Variants in ADCY2 observed in about 807,000 individuals in gnomAD.
ADCY2 encodes adenylate cyclase type 2.
ADCY2 carries 31 observed loss-of-function variants against 125.2 expected under a neutral mutation model. The observed-to-expected ratio is 0.25, with a 90% CI of 0.19 to 0.33. The LOEUF is 0.33. ADCY2 is among the 10% of genes least tolerant of loss of function. ADCY2 has a pLI of 1.00. For missense variants in ADCY2, 904 were observed against 1,418.2 expected (o/e 0.64, Z 5.82); for synonymous variants, 512 against 548.4 (o/e 0.93, Z 0.93).
chr5:7,789,509 G>C, intron 19 of ADCY2, 133 bp from the exon 20 acceptor site: 1 of 809,772 alleles, frequency 1.2e-6, no homozygotes, highest in South Asian at 1.8e-5. Flanking sequence ...GGCTTTATGG[G>C]GAGGGTGGAA....
chr5:7,499,679 A>ATG (rs1561059127), intron 2 of ADCY2, among the ~76,000 whole-genome samples: 5 of 135,022 alleles, frequency 3.7e-5, no homozygotes, highest in South Asian at 2.3e-4. Flanking sequence ...ATATATATAT[A>ATG]TATGTATATA....
chr5:7,766,393 G>A (rs1743380164), intron 16 of ADCY2, among the ~76,000 whole-genome samples: 1 of 152,166 alleles, frequency 6.6e-6, no homozygotes, highest in Non-Finnish European at 1.5e-5. Flanking sequence ...GGTGATATCG[G>A]TTTCAAATGT....
At chr5:7,728,191 T>C (rs1209055040) in intron 14 of ADCY2, among the ~76,000 whole-genome samples, 1 of 152,156 alleles carries the variant, frequency 6.6e-6, no homozygotes, top group Non-Finnish European at 1.5e-5. Flanking sequence ...TCAAACTGCT[T>C]AGATTGAGTA....
At chr5:7,545,469 G>A (rs1735118804) in intron 3 of ADCY2, among the ~76,000 whole-genome samples, 1 of 152,140 alleles carries the variant, frequency 6.6e-6, no homozygotes, top group South Asian at 2.1e-4. Flanking sequence ...GAAAGAGCTG[G>A]TTATGGGAGG....
At chr5:7,658,560 C>T (rs1027218839) in intron 4 of ADCY2, among the ~76,000 whole-genome samples, 1 of 152,048 alleles carries the variant, frequency 6.6e-6, no homozygotes, top group Non-Finnish European at 1.5e-5. Flanking sequence ...GCTGGGACTA[C>T]AAGCATGAGG....
At chr5:7,525,746 T>C (rs1338513297) in intron 3 of ADCY2, among the ~76,000 whole-genome samples, 1 of 152,120 alleles carries the variant, frequency 6.6e-6, no homozygotes, top group East Asian at 1.9e-4. Context: ...TAGGTTTCAC[T>C]CCAGTTTTTG....
At chr5:7,548,522 G>A (rs1448710764) in intron 3 of ADCY2, among the ~76,000 whole-genome samples, 1 of 152,188 alleles carries the variant, frequency 6.6e-6, no homozygotes, top group East Asian at 1.9e-4. Context: ...GCATGAACCT[G>A]CCTGTCATTG....
chr5:7,631,545 G>A lies in ADCY2; in HGVS notation c.720+5229G>A, dbSNP rs746889285. Among the ~76,000 whole-genome samples the A allele has an allele frequency of 5.3e-5, 8 of 152,208 alleles. No homozygotes were observed. The East Asian group carries it at 5.8e-4, about 11-fold the overall frequency. On this transcript the variant is annotated intron_variant, in intron 4 of 24. Transcript: ENST00000338316. ...ATGTTAACTGGAGATTTTCCAGGAC[G>A]TGAAGGACTCTCTGATGGAAGTCCT...
At chr5:7,690,870 C>A (rs1740682202) in intron 5 of ADCY2, 31 bp downstream of exon 5, 1 of 1,492,670 alleles carries the variant, frequency 6.7e-7, no homozygotes, top group Non-Finnish European at 8.9e-7. Flanking sequence ...CTTGGCTGGT[C>A]TGGGAGTCTG....
At chr5:7,745,156 C>T (rs959625631) in intron 15 of ADCY2, among the ~76,000 whole-genome samples, 3 of 152,214 alleles carry the variant, frequency 2.0e-5, no homozygotes, top group Non-Finnish European at 4.4e-5. Flanking sequence ...TTAGAATCCT[C>T]GTCCTCCCTT....
At chr5:7,603,889 A>G (rs1325380573) in intron 3 of ADCY2, among the ~76,000 whole-genome samples, 3 of 94,938 alleles carry the variant, frequency 3.2e-5, no homozygotes, top group Non-Finnish European at 5.8e-5. Flanking sequence ...ATATGTATAC[A>G]TGTGCCATGC....
At chr5:7,588,946 G>A (rs1448505141) in intron 3 of ADCY2, among the ~76,000 whole-genome samples, 2 of 152,196 alleles carry the variant, frequency 1.3e-5, no homozygotes, top group African/African-American at 4.8e-5. Flanking sequence ...TGATAAACAG[G>A]TATTAGGAGT....
At chr5:7,536,130 A>G (rs1200912571) in intron 3 of ADCY2, among the ~76,000 whole-genome samples, 5 of 152,234 alleles carry the variant, frequency 3.3e-5, no homozygotes, top group Non-Finnish European at 7.3e-5. Context: ...AACAGGTTGA[A>G]GACTGTGTTT....
chr5:7,585,887 A>G (rs1363269398), intron 3 of ADCY2, among the ~76,000 whole-genome samples: 4 of 152,240 alleles, frequency 2.6e-5, no homozygotes, highest in Non-Finnish European at 1.5e-5. Context: ...CTTACTCGAC[A>G]GCAGTCATCA....
intron 4 of ADCY2, among the ~76,000 whole-genome samples, chr5:7,651,792 T>G (rs114456559): frequency 0.015 from 2,276 of 151,868 alleles, 26 homozygotes; most frequent in Non-Finnish European, 0.023. Flanking sequence ...TTCACGTCTT[T>G]TTATTTATTT....
chr5:7,408,855 T>C (rs1321206923), intron 1 of ADCY2, among the ~76,000 whole-genome samples: 2 of 151,862 alleles, frequency 1.3e-5, no homozygotes, highest in African/African-American at 4.8e-5. Flanking sequence ...GAAATACCAT[T>C]GGACCCAGCA....
At chr5:7,732,784 A>C (rs1211783360) in intron 14 of ADCY2, among the ~76,000 whole-genome samples, 1 of 152,200 alleles carries the variant, frequency 6.6e-6, no homozygotes, top group Non-Finnish European at 1.5e-5. Context: ...TAATGGAGAA[A>C]TTTGTTACCT....
chr5:7,621,450 G>A (rs1737950312), intron 3 of ADCY2, among the ~76,000 whole-genome samples: 1 of 152,250 alleles, frequency 6.6e-6, no homozygotes, highest in Non-Finnish European at 1.5e-5. Context: ...AGAGGGGGTT[G>A]TGTGTGTGGT....
At chr5:7,653,807 T>C (rs1184349660) in intron 4 of ADCY2, among the ~76,000 whole-genome samples, 1 of 152,196 alleles carries the variant, frequency 6.6e-6, no homozygotes, top group Non-Finnish European at 1.5e-5. Context: ...TTTTTTCCCA[T>C]GTTTTATGAG....
Sources: gnomAD v4.1 joint callset for allele counts (sites outside exome capture counted in the v4.1 genomes callset) on GRCh38, gnomAD v4.1.1 for gene constraint, MANE v1.5 for transcripts, NCBI Gene and HGNC (gene_info 2026-07-23, HGNC 2026-07-21) for gene names.